Variants in S100A16 observed in about 807,000 individuals in gnomAD.
S100A16 encodes the protein S100 calcium binding protein A16.
Under a neutral mutation model 9.0 loss-of-function variants are expected in S100A16, and 8 were observed. The observed-to-expected ratio is 0.89, with a 90% CI of 0.52 to 1.60. The LOEUF (loss-of-function observed/expected upper bound fraction) is 1.60. Among genes scored for constraint, S100A16 ranks in the 40% most tolerant of loss-of-function variants. The probability of loss-of-function intolerance (pLI) is 0.00; values close to 1 mark genes in which losing one functional copy is unlikely to be tolerated. For synonymous variants in S100A16, 51 were observed against 51.4 expected (o/e 0.99, Z 0.04); for missense variants, 138 against 132.4 (o/e 1.04, Z -0.21).
intron 1 of S100A16, among the ~76,000 whole-genome samples, chr1:153,608,561 G>A (rs748260823): frequency 6.6e-6 from 1 of 152,206 alleles, no homozygotes; most frequent in Non-Finnish European, 1.5e-5. Flanking sequence ...CTCTCCCGGG[G>A]CCAAGCATGG....
chr1:153,612,477 C>A (rs1398156907), intron 1 of S100A16, among the ~76,000 whole-genome samples: 3 of 152,090 alleles, frequency 2.0e-5, no homozygotes. Flanking sequence ...TCAGCCCCCG[C>A]CTCCTCTTCT....
chr1:153,610,535 G>A (rs971558879), intron 1 of S100A16, among the ~76,000 whole-genome samples: 5 of 152,174 alleles, frequency 3.3e-5, no homozygotes, highest in Non-Finnish European at 2.9e-5. Context: ...AGACACAGAT[G>A]AGCCCCAGAG....
At chr1:153,611,227 GC>G (rs1553221794) in intron 1 of S100A16, among the ~76,000 whole-genome samples, 1 of 119,360 alleles carries the variant, frequency 8.4e-6, no homozygotes, top group Non-Finnish European at 1.7e-5. Context: ...AGCCACTCCA[GC>G]CCCACCCTCC....
At position 153,607,467 on chromosome 1, in the gene S100A16, G is replaced by A. The variant is rs1666717487; in HGVS notation, c.*67C>T. 8 of 1,587,228 alleles carry A rather than the reference G, an allele frequency of 5.0e-6. No individual in the cohort carries two copies. Among genetic ancestry groups the A allele is most frequent in the South Asian group, 2.2e-5 (2 of 90,216 alleles). ...CCTGGGTGGGCAGGAGGCTGAGGAG[G>A]GAGCCTGGGGAGAGCACCAGGGCGG... On this transcript the variant is annotated 3_prime_UTR_variant, in exon 3 of 3. Coordinates refer to ENST00000368706, the MANE Select transcript of S100A16 (RefSeq NM_080388.3).
At position 153,608,173 on chromosome 1, in the gene S100A16, G is replaced by A. The variant is rs765235384; in HGVS notation, c.-22C>T. 7.4e-6 allele frequency: 12 copies of A among 1,610,904 alleles called. No homozygotes were observed. Among genetic ancestry groups the A allele is most frequent in the South Asian group, 4.4e-5 (4 of 90,540 alleles). On this transcript the variant is annotated 5_prime_UTR_variant, in exon 2 of 3. Transcript: ENST00000368706. ...ACATCTCCCTGCTTCGCCTGCTGGC[G>A]GGGCCTGGACACCAGGAGGAGGGGA...
rs1277791163 is a variant in S100A16 at position 153,607,996 on chromosome 1, T to C, written c.153+3A>G. ...GGCAAGGCCCTTGGGTGAGAGGCCT[T>C]ACCGACAGCATGTGGTTCAGCTCTT... On this transcript the variant is annotated splice_donor_region_variant and intron_variant, in intron 2 of 2. Coordinates refer to ENST00000368706, the MANE Select transcript of S100A16 (RefSeq NM_080388.3). 1 of 1,613,780 alleles carries C rather than the reference T, an allele frequency of 6.2e-7. No homozygotes were observed. The highest frequency in any genetic ancestry group is 8.5e-7 in the Non-Finnish European group (1 of 1,179,870).
At chr1:153,608,313 G>A in intron 1 of S100A16, 136 bp from the exon 2 acceptor site, 1 of 703,222 alleles carries the variant, frequency 1.4e-6, no homozygotes, top group East Asian at 2.7e-5. Flanking sequence ...GCAGGAAAAG[G>A]GGAACAGAGT....
intron 1 of S100A16, among the ~76,000 whole-genome samples, chr1:153,608,658 C>A (rs986126709): frequency 2.2e-4 from 34 of 152,220 alleles, no homozygotes; most frequent in African/African-American, 7.7e-4. Context: ...CAGCCCCAGG[C>A]AACAAAGCAG....
rs1360699692 is a variant in S100A16, at chr1:153,607,608, A to G, written c.238T>C (p.Trp80Arg). 6 of 1,614,218 alleles carry G rather than the reference A, an allele frequency of 3.7e-6. No individual in the cohort carries two copies. The Admixed American group carries it at 1.0e-4, about 27-fold the overall frequency. Residue 80 changes from tryptophan (W) to arginine (R), a missense_variant, in exon 3 of 3, where the codon TGG becomes CGG. Physicochemically the swap from Trp to Arg is moderately radical, Grantham distance 101. Coordinates refer to ENST00000368706, the MANE Select transcript of S100A16 (RefSeq NM_080388.3). ...CCGGTGATGCCGCCTATCAAGGTCC[A>G]GTACTCATCGAAGCTGATGCGCCCA... ...HDGRISFDEY[W>R]TLIGGITGPI...
At chr1:153,609,672 A>AATCTCTGC (rs1236494933) in intron 1 of S100A16, among the ~76,000 whole-genome samples, 1 of 152,120 alleles carries the variant, frequency 6.6e-6, no homozygotes, top group Non-Finnish European at 1.5e-5. Context: ...CCCTGCTTTT[A>AATCTCTGC]ATCTCTGCAT....
rs1312458262 is a variant in S100A16 at position 153,606,892 on chromosome 1, A to G, written c.*642T>C. On this transcript the variant is annotated 3_prime_UTR_variant, in exon 3 of 3. Transcript: ENST00000368706. ...ACCACCAAAGCATAAAACGTTTCCAAGGAGTGGGAAGGTTTTAATGAGCAT... is the reference window on the plus strand; with the variant it reads ...ACCACCAAAGCATAAAACGTTTCCAGGGAGTGGGAAGGTTTTAATGAGCAT... The G allele has an allele frequency of 5.5e-6, 1 of 182,302 alleles. No individual in the cohort carries two copies. Among genetic ancestry groups the G allele is most frequent in the Non-Finnish European group, 1.2e-5 (1 of 86,688 alleles). 11.3% of individuals were successfully genotyped at this position (182,302 alleles called of 1,614,324 possible).
intron 1 of S100A16, among the ~76,000 whole-genome samples, chr1:153,610,970 A>G (rs954918092): frequency 2.0e-5 from 3 of 152,100 alleles, no homozygotes; most frequent in African/African-American, 7.2e-5. Flanking sequence ...CCACAGGTAG[A>G]TCCTGGCCTG....
chr1:153,611,035 G>A (rs906294082), intron 1 of S100A16, among the ~76,000 whole-genome samples: 3 of 152,004 alleles, frequency 2.0e-5, no homozygotes, highest in African/African-American at 4.8e-5. Flanking sequence ...AGGACCACGT[G>A]TCCTCCAATG....
At chr1:153,612,694 C>T (rs915483042) in intron 1 of S100A16, among the ~76,000 whole-genome samples, 5 of 152,224 alleles carry the variant, frequency 3.3e-5, no homozygotes, top group South Asian at 2.1e-4. Context: ...AGAGGAGCTC[C>T]GTCAGCTGCT....
At chr1:153,607,728 G>A in intron 2 of S100A16, 36 bp from the exon 3 acceptor site, 1 of 1,613,316 alleles carries the variant, frequency 6.2e-7, no homozygotes, top group South Asian at 1.1e-5. Flanking sequence ...GCTGATGGTG[G>A]AAGCCCCAGA....
chr1:153,610,586 G>A (rs958950882), intron 1 of S100A16, among the ~76,000 whole-genome samples: 3 of 152,150 alleles, frequency 2.0e-5, no homozygotes, highest in Admixed American at 2.0e-4. Flanking sequence ...GGGAGACCCA[G>A]AGCGGGAGCT....
Position 153,607,404 on chromosome 1 carries a change from G to A in S100A16, c.*130C>T, listed in dbSNP as rs895120372. Reference sequence around the variant, plus strand: ...ACAAAGGGACCCCAGTTCAGCAAGGGTCAGAGGAAGGTCTGGAGGGAGAAG... The same window carrying A: ...ACAAAGGGACCCCAGTTCAGCAAGGATCAGAGGAAGGTCTGGAGGGAGAAG... On this transcript the variant is annotated 3_prime_UTR_variant, in exon 3 of 3. Coordinates refer to ENST00000368706, the MANE Select transcript of S100A16 (RefSeq NM_080388.3). 2.0e-4 allele frequency: 206 copies of A among 1,054,118 alleles called. No individual in the cohort carries two copies. Among genetic ancestry groups the A allele is most frequent in the Non-Finnish European group, 1.9e-4 (139 of 713,112 alleles). 65.3% of individuals were successfully genotyped at this position (1,054,118 alleles called of 1,614,324 possible).
chr1:153,610,046 G>A (rs369154547), intron 1 of S100A16, among the ~76,000 whole-genome samples: 6 of 152,196 alleles, frequency 3.9e-5, no homozygotes, highest in South Asian at 4.1e-4. Flanking sequence ...GTGTAACTGC[G>A]TGGTTCCCTG....
At position 153,609,271 on chromosome 1, in the gene S100A16, G is replaced by A; in HGVS notation, c.-26-1094C>T. Reference sequence around the variant, plus strand: ...ACAGTCAGATTTGGAAGGAAAGGCTGCTCGGTCAGGCCCCACCACAGCCTC... The same window carrying A: ...ACAGTCAGATTTGGAAGGAAAGGCTACTCGGTCAGGCCCCACCACAGCCTC... On this transcript the variant is annotated intron_variant, in intron 1 of 2. Coordinates refer to ENST00000368706, the MANE Select transcript of S100A16 (RefSeq NM_080388.3). The A allele has an allele frequency of 1.0e-5, 10 of 985,706 alleles. No individual in the cohort carries two copies. The South Asian group carries it at 4.7e-4, about 46-fold the overall frequency. 61.1% of individuals were successfully genotyped at this position (985,706 alleles called of 1,614,324 possible).
Sources: allele counts gnomAD v4.1 joint callset (sites outside exome capture counted in the v4.1 genomes callset), GRCh38; gene constraint gnomAD v4.1.1; transcripts MANE v1.5; gene names NCBI Gene and HGNC (gene_info 2026-07-23, HGNC 2026-07-21).